The following TENM3 variants were observed in gnomAD, a reference collection of about 807,000 sequenced individuals.
The protein encoded by TENM3 is teneurin-3.
TENM3 carries 63 observed loss-of-function variants against 255.1 expected under a neutral mutation model. The observed-to-expected ratio is 0.25, with a 90% confidence interval of 0.20 to 0.30. The LOEUF (loss-of-function observed/expected upper bound fraction) is 0.30. Among genes scored for constraint, TENM3 ranks in the 10% least tolerant of loss-of-function variants. The pLI is 1.00. For synonymous variants in TENM3, 1,306 were observed against 1,322.3 expected, an observed-to-expected ratio of 0.99 and a Z score of 0.27; for missense variants, 2,929 against 3,461.1, an observed-to-expected ratio of 0.85 and a Z score of 3.86.
intron 3 of TENM3, among the ~76,000 whole-genome samples, chr4:182,512,253 C>T (rs367572942): frequency 1.4e-4 from 22 of 152,096 alleles, no homozygotes; most frequent in Admixed American, 9.2e-4. Context: ...GGTACCAGGC[C>T]GAAAATGGGC....
At chr4:181,932,432 A>G in the TENM3 span, among the ~76,000 whole-genome samples, 1 of 152,270 alleles carries the variant, frequency 6.6e-6, no homozygotes, top group Non-Finnish European at 1.5e-5. Context: ...ATCACTGGCC[A>G]TCAGAGAAAT....
chr4:182,046,798 A>T, the TENM3 span, among the ~76,000 whole-genome samples: 2 of 152,162 alleles, frequency 1.3e-5, no homozygotes, highest in Non-Finnish European at 2.9e-5. Flanking sequence ...ATTATTTGAG[A>T]TAATTATTTC....
chr4:181,938,963 A>G, the TENM3 span, among the ~76,000 whole-genome samples: 46 of 152,330 alleles, frequency 3.0e-4, no homozygotes, highest in African/African-American at 1.0e-3. Context: ...TGGAAATTGT[A>G]CGTTAGCACT....
At chr4:181,683,515 G>T in the TENM3 span, among the ~76,000 whole-genome samples, 1 of 152,190 alleles carries the variant, frequency 6.6e-6, no homozygotes, top group Admixed American at 6.5e-5. Flanking sequence ...GTCTAGTGGG[G>T]GGGCCAAGAA....
chr4:182,743,404 G>A lies in TENM3; in HGVS notation c.3614G>A (p.Ser1205Asn), dbSNP rs762823224. 6.8e-6 allele frequency: 11 copies of A among 1,613,860 alleles called. No homozygotes were observed. In the South Asian group the frequency reaches 1.2e-4, roughly 18 times the overall value. Residue 1205 changes from serine (S) to asparagine (N), a missense_variant, in exon 19 of 28, where the codon AGT (serine) becomes AAT (asparagine). Ser to Asn is a conservative substitution (Grantham distance 46). This residue lies in a region of TENM3 where 1,608 missense variants were observed against 1,884.4 expected (regional missense o/e 0.85). Coordinates refer to ENST00000511685, the MANE Select transcript of TENM3 (RefSeq NM_001080477.4). ...RRIFPSGNVT[S>N]VLELSSNPAH... is the part of the protein sequence containing the mutation. ...ATATTCCCTTCTGGAAATGTAACAA[G>A]TGTCTTAGAACTAAGGTACGTCTTT...
At chr4:182,061,501 A>G in the TENM3 span, among the ~76,000 whole-genome samples, 1 of 152,064 alleles carries the variant, frequency 6.6e-6, no homozygotes, top group Non-Finnish European at 1.5e-5. Flanking sequence ...AAGAGGTTCT[A>G]TTGTAATCCA....
chr4:182,426,007 C>CAAAAAAAAAAAAAAAAAAACA (rs1771186359), intron 3 of TENM3, among the ~76,000 whole-genome samples: 1 of 90,762 alleles, frequency 1.1e-5, no homozygotes, highest in Non-Finnish European at 2.2e-5. Flanking sequence ...GAGTCCATGT[C>CAAAAAAAAAAAAAAAAAAACA]AAAAAAAAAA....
At position 182,356,972 on chromosome 4, in the gene TENM3, G is replaced by T. The variant is rs1396206958; in HGVS notation, c.511+10043G>T. Among the ~76,000 whole-genome samples, 3 of 150,278 alleles carry T rather than the reference G, an allele frequency of 2.0e-5. No homozygotes were observed. In the East Asian group the frequency reaches 5.9e-4, roughly 30 times the overall value. ...TATGAGTGAGAATATGCGGTGTTTG[G>T]TTTTTTGTTCTTGCAATAGTTTACT... On this transcript the variant is annotated intron_variant, in intron 3 of 27. Transcript: ENST00000511685.
At chr4:181,499,393 A>G in the TENM3 span, among the ~76,000 whole-genome samples, 1 of 152,234 alleles carries the variant, frequency 6.6e-6, no homozygotes, top group Non-Finnish European at 1.5e-5. Context: ...CAACAATAAA[A>G]CCTAGCATCT....
At chr4:182,716,684 G>A (rs1256272270) in intron 13 of TENM3, among the ~76,000 whole-genome samples, 3 of 152,110 alleles carry the variant, frequency 2.0e-5, no homozygotes, top group South Asian at 2.1e-4. Context: ...ATCAAAACAC[G>A]AAAGATGGCA....
chr4:182,519,599 A>G lies in TENM3; in HGVS notation c.512-81325A>G, dbSNP rs1274904639. On this transcript the variant is annotated intron_variant, in intron 3 of 27. Transcript: ENST00000511685. ...TGTTAAGTGAAGGAGCTGAAATCCA[A>G]TCCCATGTCTTTCTGAGAATTCCAC... Among the ~76,000 whole-genome samples the G allele has an allele frequency of 3.3e-5, 5 of 152,190 alleles. No homozygotes were observed. The East Asian group carries it at 5.8e-4, about 18-fold the overall frequency.
At chr4:181,772,035 G>T in the TENM3 span, among the ~76,000 whole-genome samples, 2 of 152,130 alleles carry the variant, frequency 1.3e-5, no homozygotes, top group Non-Finnish European at 2.9e-5. Context: ...AGCACAACAC[G>T]TACTGTATAA....
intron 1 of TENM3, among the ~76,000 whole-genome samples, chr4:182,179,296 C>T (rs562628821): frequency 1.3e-5 from 2 of 152,314 alleles, no homozygotes; most frequent in South Asian, 4.1e-4. Context: ...TGCCCATTTA[C>T]ATAATGCCTG....
intron 6 of TENM3, among the ~76,000 whole-genome samples, chr4:182,671,337 C>T (rs996992819): frequency 6.6e-6 from 1 of 152,182 alleles, no homozygotes; most frequent in Non-Finnish European, 1.5e-5. Context: ...TGTTTTCTGG[C>T]CAGATGGATT....
intron 24 of TENM3, among the ~76,000 whole-genome samples, chr4:182,777,349 A>G (rs530987426): frequency 1.8e-4 from 28 of 152,242 alleles, no homozygotes; most frequent in Non-Finnish European, 2.9e-5. Flanking sequence ...CAGCCTCACA[A>G]TATGAATTCT....
At chr4:182,705,574 G>A (rs1373303095) in intron 12 of TENM3, among the ~76,000 whole-genome samples, 1 of 152,172 alleles carries the variant, frequency 6.6e-6, no homozygotes, top group Non-Finnish European at 1.5e-5. Flanking sequence ...ACCTTCCCTT[G>A]TGAGCTACCT....
the TENM3 span, among the ~76,000 whole-genome samples, chr4:181,750,781 A>C: frequency 6.6e-6 from 1 of 152,166 alleles, no homozygotes; most frequent in Non-Finnish European, 1.5e-5. Flanking sequence ...GTTCTTAAAA[A>C]CGGTAACAGA....
chr4:181,945,240 C>G, the TENM3 span, among the ~76,000 whole-genome samples: 1 of 152,078 alleles, frequency 6.6e-6, no homozygotes, highest in Non-Finnish European at 1.5e-5. Flanking sequence ...GGCTGCTTAG[C>G]TAACCCCAAG....
At chr4:181,911,934 A>T in the TENM3 span, among the ~76,000 whole-genome samples, 2 of 152,232 alleles carry the variant, frequency 1.3e-5, no homozygotes, top group Non-Finnish European at 2.9e-5. Flanking sequence ...ATTGTTAGTC[A>T]TTCAGCAAAT....
Sources: gnomAD v4.1 joint callset for allele counts (sites outside exome capture counted in the v4.1 genomes callset) on GRCh38, gnomAD v4.1.1 for gene constraint, gnomAD v4.1.1 regional missense constraint, MANE v1.5 for transcripts, NCBI Gene and HGNC (gene_info 2026-07-23, HGNC 2026-07-21) for gene names.